Variants in PHACTR2 observed in about 807,000 individuals in gnomAD.
PHACTR2 encodes chromosome 6 open reading frame 56.
Under a neutral mutation model 76.0 loss-of-function variants are expected in PHACTR2, and 30 were observed. That is an observed-to-expected ratio of 0.39 (90% CI 0.30 to 0.54). PHACTR2 has a LOEUF of 0.54. Ranked by LOEUF, PHACTR2 falls within the 20% of genes least tolerant of loss-of-function variation. The pLI is 0.61. For synonymous variants in PHACTR2, 292 were observed against 292.5 expected (o/e 1.00, Z 0.02); for missense variants, 696 against 781.1 (o/e 0.89, Z 1.30).
At chr6:143,799,413 C>A (rs1775904713) in intron 11 of PHACTR2, among the ~76,000 whole-genome samples, 1 of 152,150 alleles carries the variant, frequency 6.6e-6, no homozygotes, top group Non-Finnish European at 1.5e-5. Context: ...TTAGTTATTT[C>A]TTGCCTTCTG....
rs137966081 is a variant in PHACTR2, at chr6:143,816,934, C to T, written c.1923-6740C>T. Among the ~76,000 whole-genome samples, 1,487 of 152,088 alleles carry T rather than the reference C, an allele frequency of 9.8e-3. 25 individuals carry two copies. The highest frequency in any genetic ancestry group is 0.032 in the African/African-American group (1,344 of 41,496). On this transcript the variant is annotated intron_variant, in intron 12 of 12. Transcript: ENST00000440869. The surrounding 1 kb of genome is among the most constrained non-coding windows in gnomAD (Gnocchi z 4.5). ...TACAAAAATTAGCCAAGTGTGGTGGCGAGTGCCTGTATTCCCAGCTACTTG... is the reference window on the plus strand; with the variant it reads ...TACAAAAATTAGCCAAGTGTGGTGGTGAGTGCCTGTATTCCCAGCTACTTG...
intron 1 of PHACTR2, among the ~76,000 whole-genome samples, chr6:143,657,612 T>C (rs1335170115): frequency 2.0e-5 from 3 of 151,960 alleles, no homozygotes. Context: ...GATAAAGGAG[T>C]TCTCTTAGAA....
intron 1 of PHACTR2, among the ~76,000 whole-genome samples, chr6:143,657,103 G>A (rs572672665): frequency 2.6e-5 from 4 of 152,172 alleles, no homozygotes; most frequent in African/African-American, 9.6e-5. Context: ...GGCAAGGGGA[G>A]GGAGAGCATT....
chr6:143,658,537 A>G lies in PHACTR2; in HGVS notation c.13+50215A>G, dbSNP rs915635886. ...ATAGAGTGTATTTTAACAAACCTGG[A>G]TGGAATAGCCTACTATACAACCTAG... On this transcript the variant is annotated intron_variant, in intron 1 of 11. Transcript: ENST00000305766. The surrounding 1 kb of genome is among the most constrained non-coding windows in gnomAD (Gnocchi z 4.1). 6.6e-6 allele frequency among the ~76,000 whole-genome samples: 1 copy of G among 152,216 alleles called. No homozygotes were observed. The highest frequency in any genetic ancestry group is 2.4e-5 in the African/African-American group (1 of 41,448).
rs145636027 is a variant in PHACTR2, at chr6:143,638,327, G to A, written c.13+30005G>A. On this transcript the variant is annotated intron_variant, in intron 1 of 11. Coordinates refer to the PHACTR2 transcript ENST00000305766. ...AGCCAAGGTGGGAGGATCACTTTAGGCCAGGAGTTTGAAACCAGCCTGGGC... is the reference window on the plus strand; with the variant it reads ...AGCCAAGGTGGGAGGATCACTTTAGACCAGGAGTTTGAAACCAGCCTGGGC... Among the ~76,000 whole-genome samples, 589 of 152,142 alleles carry A rather than the reference G, an allele frequency of 3.9e-3. 2 individuals are homozygous for A. The highest frequency in any genetic ancestry group is 6.7e-3 in the Non-Finnish European group (458 of 67,998).
In PHACTR2 at chr6:143,742,105, CAA is replaced by C. The variant is rs577806236; in HGVS notation, c.215-6869_215-6868del. ...GGGTGACAAGAGTGAAACTCCATCT[CAA>C]AAAAAAAAAACAACAACATTTATTT... On this transcript the variant is annotated intron_variant, in intron 2 of 12. Coordinates refer to ENST00000440869, the MANE Select transcript of PHACTR2 (RefSeq NM_001100164.2). The surrounding 1 kb of genome is among the most constrained non-coding windows in gnomAD (Gnocchi z 4.5). Among the ~76,000 whole-genome samples, 1 of 133,194 alleles carries C rather than the reference CAA, an allele frequency of 7.5e-6. No homozygotes were observed. The allele number at this position is 133,194 out of a possible 152,430, so 87.4% of individuals were successfully genotyped here.
chr6:143,740,980 G>A (rs1268152063), intron 2 of PHACTR2, among the ~76,000 whole-genome samples: 2 of 152,254 alleles, frequency 1.3e-5, no homozygotes, highest in East Asian at 3.8e-4. Flanking sequence ...TGAGCGCAGT[G>A]GCTCACGCCT....
upstream of PHACTR2, among the ~76,000 whole-genome samples, chr6:143,605,314 A>G (rs915728000): frequency 1.8e-4 from 28 of 152,242 alleles, no homozygotes; most frequent in East Asian, 5.8e-4. The surrounding 1 kb of genome is among the most constrained non-coding windows in gnomAD (Gnocchi z 5.0). Context: ...GTTTAGAAAC[A>G]TAATGGAGAA....
chr6:143,655,411 C>G (rs945989604), intron 1 of PHACTR2, among the ~76,000 whole-genome samples: 1 of 151,942 alleles, frequency 6.6e-6, no homozygotes, highest in African/African-American at 2.4e-5. Flanking sequence ...TCACACAACT[C>G]TATGAATATA....
chr6:143,699,668 TC>T (rs1351519160), intron 1 of PHACTR2, among the ~76,000 whole-genome samples: 1 of 152,192 alleles, frequency 6.6e-6, no homozygotes. Flanking sequence ...CTCCTCCAAA[TC>T]TTCTCTCTTC....
intron 2 of PHACTR2, among the ~76,000 whole-genome samples, chr6:143,715,641 G>A (rs1215024194): frequency 6.6e-6 from 1 of 152,136 alleles, no homozygotes; most frequent in Non-Finnish European, 1.5e-5. Context: ...AGACAGGTAG[G>A]GTACTAATAA....
At chr6:143,545,560 AG>A (rs1262102533) in intron 1 of PHACTR2, among the ~76,000 whole-genome samples, 2 of 152,218 alleles carry the variant, frequency 1.3e-5, no homozygotes, top group African/African-American at 2.4e-5. Flanking sequence ...ACAGTGTATC[AG>A]CTCCTTTTTT....
chr6:143,650,796 C>A (rs753175310), intron 1 of PHACTR2, among the ~76,000 whole-genome samples: 6 of 152,004 alleles, frequency 3.9e-5, no homozygotes, highest in Non-Finnish European at 8.8e-5. Context: ...ACGAAAACAC[C>A]AAAATCAATT....
At position 143,656,967 on chromosome 6, in the gene PHACTR2, A is replaced by C. The variant is rs992293759; in HGVS notation, c.13+48645A>C. Among the ~76,000 whole-genome samples the C allele has an allele frequency of 1.1e-4, 16 of 151,402 alleles. No individual in the cohort carries two copies. The highest frequency in any genetic ancestry group is 1.6e-4 in the Non-Finnish European group (11 of 67,940). On this transcript the variant is annotated intron_variant, in intron 1 of 11. Transcript: ENST00000305766. This position sits in a 1 kb window ranked among gnomAD's most constrained non-coding sequence, Gnocchi z 5.3. ...ACTAAGTTTGATGTGGCTACTTTTT[A>C]TTTTTTACTTTTCAAAAATTGTGGT... is the stretch of plus-strand genomic sequence containing the variant.
intron 2 of PHACTR2, among the ~76,000 whole-genome samples, chr6:143,721,274 T>G (rs76491656): frequency 0.017 from 2,601 of 152,328 alleles, 76 homozygotes; most frequent in African/African-American, 0.06. Flanking sequence ...TACTGCATTT[T>G]TAGATTATTT....
chr6:143,563,551 C>CAAA (rs76587878), intron 1 of PHACTR2, among the ~76,000 whole-genome samples: 8 of 29,916 alleles, frequency 2.7e-4, no homozygotes, highest in East Asian at 2.5e-3. Context: ...AACTCCGTCT[C>CAAA]AAAAAAAAAA....
At position 143,579,292 on chromosome 6, in the gene PHACTR2, G is replaced by A. The variant is rs75878074; in HGVS notation, c.217+42085G>A. On this transcript the variant is annotated intron_variant, in intron 1 of 11. Transcript: ENST00000367584. ...GGGTTGTTGGAGGAGGGAAAGTGTG[G>A]GGGAAATAAAATACTATTTTTATTG... 6.2e-3 allele frequency among the ~76,000 whole-genome samples: 941 copies of A among 152,182 alleles called. 22 individuals carry two copies. The East Asian group carries it at 0.09, about 15-fold the overall frequency.
chr6:143,757,326 A>G lies in PHACTR2; in HGVS notation c.455-3075A>G, dbSNP rs1056059415. Among the ~76,000 whole-genome samples, 2 of 152,232 alleles carry G rather than the reference A, an allele frequency of 1.3e-5. No individual in the cohort carries two copies. Among genetic ancestry groups the G allele is most frequent in the Non-Finnish European group, 2.9e-5 (2 of 68,044 alleles). Reference sequence around the variant, plus strand: ...TGTAGTGCAAGATGCGAAGTACCGTAGAAGGCCTGAGCACAGCAACCCAAG... The same window carrying G: ...TGTAGTGCAAGATGCGAAGTACCGTGGAAGGCCTGAGCACAGCAACCCAAG... On this transcript the variant is annotated intron_variant, in intron 4 of 12. Coordinates refer to ENST00000440869, the MANE Select transcript of PHACTR2 (RefSeq NM_001100164.2). The surrounding 1 kb of genome is among the most constrained non-coding windows in gnomAD (Gnocchi z 4.2).
rs1775776707 is a variant in PHACTR2 at position 143,794,131 on chromosome 6, C to T, written c.1845+5221C>T. ...TAAAAATACCATTTACTACCTAACA[C>T]TGAAAAAAATTGTTCCCTCTAGTTG... On this transcript the variant is annotated intron_variant, in intron 11 of 12. Transcript: ENST00000440869. The surrounding 1 kb of genome is among the most constrained non-coding windows in gnomAD (Gnocchi z 4.1). 6.6e-6 allele frequency among the ~76,000 whole-genome samples: 1 copy of T among 151,616 alleles called. No homozygotes were observed. Among genetic ancestry groups the T allele is most frequent in the Non-Finnish European group, 1.5e-5 (1 of 67,906 alleles).
Sources: allele counts gnomAD v4.1 joint callset (sites outside exome capture counted in the v4.1 genomes callset), GRCh38; gene constraint gnomAD v4.1.1; non-coding constraint Gnocchi (gnomAD v3.1); transcripts MANE v1.5; gene names NCBI Gene and HGNC (gene_info 2026-07-23, HGNC 2026-07-21).